Variants in GALNT13 observed in about 807,000 individuals in gnomAD.
GALNT13 encodes polypeptide N-acetylgalactosaminyltransferase 13.
GALNT13 carries 28 observed loss-of-function variants against 64.2 expected under a neutral mutation model. That is an observed-to-expected ratio of 0.44 (90% CI 0.32 to 0.60). The LOEUF (loss-of-function observed/expected upper bound fraction) is 0.60. Among genes scored for constraint, GALNT13 ranks in the 20% least tolerant of loss-of-function variants. The pLI is 0.05. For missense variants in GALNT13, 577 were observed against 669.8 expected, an observed-to-expected ratio of 0.86 and a Z score of 1.53; for synonymous variants, 214 against 224.6, an observed-to-expected ratio of 0.95 and a Z score of 0.42.
At chr2:154,247,960 A>C (rs1689868820) in intron 7 of GALNT13, among the ~76,000 whole-genome samples, 1 of 152,116 alleles carries the variant, frequency 6.6e-6, no homozygotes, top group Admixed American at 6.5e-5. Context: ...TTCTACTTGT[A>C]ATCTATTGCT....
At chr2:153,695,596 C>T in the GALNT13 span, among the ~76,000 whole-genome samples, 1 of 152,112 alleles carries the variant, frequency 6.6e-6, no homozygotes, top group South Asian at 2.1e-4. Context: ...TATAACTATA[C>T]GTTATGGCTT....
chr2:153,836,978 G>C, the GALNT13 span, among the ~76,000 whole-genome samples: 4 of 151,992 alleles, frequency 2.6e-5, no homozygotes, highest in South Asian at 8.3e-4. Flanking sequence ...ACATGTGCAT[G>C]TGTCTTTATA....
At chr2:154,436,991 A>G (rs1462337100) in intron 11 of GALNT13, 1 of 151,928 alleles carries the variant, frequency 6.6e-6, no homozygotes, top group East Asian at 1.9e-4. Flanking sequence ...CAATCTGCCA[A>G]CCTCAGCCTC....
intron 3 of GALNT13, among the ~76,000 whole-genome samples, chr2:153,976,200 C>G (rs1443849591): frequency 6.6e-6 from 1 of 152,020 alleles, no homozygotes; most frequent in Non-Finnish European, 1.5e-5. Flanking sequence ...TCTTATTAGC[C>G]ATTTTATCCT....
At chr2:153,727,601 T>G in the GALNT13 span, among the ~76,000 whole-genome samples, 1 of 152,182 alleles carries the variant, frequency 6.6e-6, no homozygotes, top group South Asian at 2.1e-4. Context: ...AGAGTTCTAG[T>G]TGGTCTATAG....
intron 4 of GALNT13, among the ~76,000 whole-genome samples, chr2:154,228,314 A>G (rs915265081): frequency 1.3e-5 from 2 of 152,036 alleles, no homozygotes; most frequent in East Asian, 3.9e-4. Flanking sequence ...ATCTTAATTG[A>G]CCCTATCTCT....
At chr2:153,624,694 C>G in the GALNT13 span, among the ~76,000 whole-genome samples, 32 of 152,086 alleles carry the variant, frequency 2.1e-4, 1 homozygote, top group South Asian at 5.4e-3. Context: ...ACAAAAATGC[C>G]CACTTTAGAA....
At chr2:153,293,577 G>A in the GALNT13 span, among the ~76,000 whole-genome samples, 10 of 152,104 alleles carry the variant, frequency 6.6e-5, no homozygotes, top group African/African-American at 2.2e-4. Flanking sequence ...AGTCAAACCC[G>A]TTTTGGACTT....
intron 4 of GALNT13, chr2:154,236,206 T>A: frequency 9.9e-7 from 1 of 1,012,128 alleles, no homozygotes; most frequent in Non-Finnish European, 1.2e-6. Context: ...TTATAAGATA[T>A]AAACACACAA....
the GALNT13 span, among the ~76,000 whole-genome samples, chr2:153,233,651 C>T: frequency 1.4e-3 from 219 of 152,092 alleles, 2 homozygotes; most frequent in Non-Finnish European, 1.1e-3. Flanking sequence ...GTAAAAAGAA[C>T]GCAGTCAGAC....
chr2:153,123,165 C>T, the GALNT13 span, among the ~76,000 whole-genome samples: 1 of 152,116 alleles, frequency 6.6e-6, no homozygotes, highest in Admixed American at 6.6e-5. Context: ...GAGGCAGAGA[C>T]AGGAGAGATG....
the GALNT13 span, among the ~76,000 whole-genome samples, chr2:153,240,570 CA>C: frequency 3.0e-3 from 451 of 152,248 alleles, 1 homozygote; most frequent in African/African-American, 0.01. Flanking sequence ...AAGGTGCTGC[CA>C]ACCCAATGTG....
chr2:153,294,111 C>G, the GALNT13 span, among the ~76,000 whole-genome samples: 1 of 147,414 alleles, frequency 6.8e-6, no homozygotes, highest in South Asian at 2.2e-4. Flanking sequence ...GCATGAGCCA[C>G]TGCACCTGGC....
At chr2:153,832,541 A>C in the GALNT13 span, among the ~76,000 whole-genome samples, 1 of 152,182 alleles carries the variant, frequency 6.6e-6, no homozygotes, top group Non-Finnish European at 1.5e-5. Flanking sequence ...TTTTAGTTAC[A>C]AAATGGCAGA....
the GALNT13 span, among the ~76,000 whole-genome samples, chr2:153,574,089 G>A: frequency 6.7e-6 from 1 of 149,802 alleles, no homozygotes; most frequent in African/African-American, 2.5e-5. Context: ...TCCTTCATAT[G>A]TGAAGGATAT....
chr2:154,302,889 A>G (rs192193365), intron 9 of GALNT13, among the ~76,000 whole-genome samples: 10 of 152,264 alleles, frequency 6.6e-5, no homozygotes, highest in Admixed American at 4.6e-4. Flanking sequence ...AAAAGGTGCT[A>G]AACTCTCAGT....
At chr2:154,215,728 C>T (rs1688007087) in intron 4 of GALNT13, among the ~76,000 whole-genome samples, 1 of 152,032 alleles carries the variant, frequency 6.6e-6, no homozygotes. Flanking sequence ...TTCTGAATCT[C>T]CAGCTCTTAC....
intron 2 of GALNT13, among the ~76,000 whole-genome samples, chr2:153,924,947 A>G (rs963111868): frequency 6.6e-6 from 1 of 151,934 alleles, no homozygotes; most frequent in African/African-American, 2.4e-5. Context: ...TATAGATGTT[A>G]GGTATTAGGC....
At chr2:153,796,467 A>G in the GALNT13 span, among the ~76,000 whole-genome samples, 1 of 152,328 alleles carries the variant, frequency 6.6e-6, no homozygotes, top group South Asian at 2.1e-4. Context: ...TGATCATGTC[A>G]TGTTGGAATA....
Sources: gnomAD v4.1 joint callset for allele counts (sites outside exome capture counted in the v4.1 genomes callset) on GRCh38, gnomAD v4.1.1 for gene constraint, MANE v1.5 for transcripts, NCBI Gene and HGNC (gene_info 2026-07-23, HGNC 2026-07-21) for gene names.